The following NRCAM variants were observed in gnomAD, a reference collection of about 807,000 sequenced individuals.
NRCAM encodes NgCAM-related cell adhesion molecule.
In NRCAM, 83 loss-of-function variants were observed where a neutral mutation model predicts 156.5. The ratio of observed to expected loss-of-function variants is 0.53; its 90% CI spans 0.44 to 0.64. The LOEUF (loss-of-function observed/expected upper bound fraction) is 0.64, where lower values mean the gene tolerates loss of function less well. Ranked by LOEUF, NRCAM falls within the 30% of genes least tolerant of loss-of-function variation. NRCAM has a pLI of 0.00. For synonymous variants in NRCAM, 538 were observed against 563.9 expected (o/e 0.95, Z 0.65); for missense variants, 1,417 against 1,597.3 (o/e 0.89, Z 1.92).
chr7:108,263,256 C>T (rs567911550), intron 3 of NRCAM, among the ~76,000 whole-genome samples: 2 of 152,324 alleles, frequency 1.3e-5, no homozygotes, highest in Admixed American at 6.5e-5. Context: ...CATGAAACAC[C>T]TTCACAGAAA....
At chr7:108,178,270 C>A (rs1188857961) in intron 25 of NRCAM, 158 bp from the exon 26 acceptor site, 17 of 619,568 alleles carry the variant, frequency 2.7e-5, no homozygotes, top group Non-Finnish European at 4.1e-5. Flanking sequence ...GTGACAGGCA[C>A]CCATTTAGTT....
intron 1 of NRCAM, among the ~76,000 whole-genome samples, chr7:108,432,758 C>G (rs1475747357): frequency 2.0e-5 from 3 of 152,066 alleles, no homozygotes; most frequent in African/African-American, 7.2e-5. Flanking sequence ...AAAAATCAGC[C>G]AAGTGTGGTG....
chr7:108,438,879 GCAC>G (rs1029149599), intron 1 of NRCAM, among the ~76,000 whole-genome samples: 16 of 151,772 alleles, frequency 1.1e-4, no homozygotes, highest in African/African-American at 3.9e-4. Context: ...CATCACAATA[GCAC>G]CACAAAAAAT....
In NRCAM at chr7:108,168,327, T is replaced by G. The variant is rs758442011; in HGVS notation, c.3263A>C (p.Tyr1088Ser). The G allele has an allele frequency of 1.2e-6, 2 of 1,609,902 alleles. No homozygotes were observed. Among genetic ancestry groups the G allele is most frequent in the South Asian group, 2.2e-5 (2 of 90,004 alleles). ...AETYANISWE[Y>S]EGPEHVNFYV... ...AAAGTTCACATGCTCTGGTCCCTCATATTCCCAACTGATATTGGCATAGGT... is the reference window on the plus strand; with the variant it reads ...AAAGTTCACATGCTCTGGTCCCTCAGATTCCCAACTGATATTGGCATAGGT... Residue 1088 changes from tyrosine to serine, a missense_variant, in exon 29 of 33, where the codon TAT becomes TCT. By Grantham distance (144) the Tyr-to-Ser change is moderately radical. This residue lies in a region of NRCAM where 1,238 missense variants were observed against 1,336.4 expected (regional missense o/e 0.93). Transcript: ENST00000379028.
At chr7:108,209,289 A>G in intron 12 of NRCAM, 132 bp downstream of exon 12, 1 of 615,436 alleles carries the variant, frequency 1.6e-6, no homozygotes, top group East Asian at 3.2e-5. Context: ...AGCAATGAGA[A>G]GAGAGTCAAG....
In NRCAM at chr7:108,399,529, G is replaced by A. The variant is rs2099785787; in HGVS notation, c.-267C>T. The A allele has an allele frequency of 6.6e-6, 1 of 152,170 alleles. No individual in the cohort carries two copies. Among genetic ancestry groups the A allele is most frequent in the Non-Finnish European group, 1.5e-5 (1 of 68,022 alleles). 9.4% of individuals were successfully genotyped at this position (152,170 alleles called of 1,614,324 possible). A position where few individuals can be genotyped will look rare whatever the true frequency, so the allele number is the denominator to read the frequency against. On this transcript the variant is annotated 5_prime_UTR_variant, in exon 2 of 33. Transcript: ENST00000379028. The stretch of plus-strand genomic sequence containing the variant: ...AGGAGAATGCCAACAGCTAAGACCA[G>A]CTTTTGTCGAAGTCTTCAGCAAACA...
chr7:108,226,851 C>T (rs2093550576), intron 8 of NRCAM, among the ~76,000 whole-genome samples: 1 of 152,192 alleles, frequency 6.6e-6, no homozygotes, highest in Non-Finnish European at 1.5e-5. Flanking sequence ...GGGTCCTGTG[C>T]TAGGCACTGG....
intron 15 of NRCAM, 133 bp from the exon 16 acceptor site, chr7:108,194,561 G>C: frequency 5.0e-6 from 3 of 599,150 alleles, no homozygotes; most frequent in Non-Finnish European, 5.6e-6. Context: ...TTGTACTTTT[G>C]AAAGTATCAA....
chr7:108,149,195 A>C lies in NRCAM; in HGVS notation c.*715T>G, dbSNP rs2040049881. 1 of 152,652 alleles carries C rather than the reference A, an allele frequency of 6.6e-6. No individual in the cohort carries two copies. The highest frequency in any genetic ancestry group is 2.4e-5 in the African/African-American group (1 of 41,462). The allele number at this position is 152,652 out of a possible 1,614,324, so 9.5% of individuals were successfully genotyped here. ...AAATGCACTGCAATACACATTGTTT[A>C]TGCCTAAAAACAACCGAACATAGAA... On this transcript the variant is annotated 3_prime_UTR_variant, in exon 33 of 33. Transcript: ENST00000379028.
At chr7:108,421,764 T>C (rs1810223420) in intron 1 of NRCAM, among the ~76,000 whole-genome samples, 1 of 152,216 alleles carries the variant, frequency 6.6e-6, no homozygotes, top group African/African-American at 2.4e-5. Flanking sequence ...TAAATCATTT[T>C]GTTCTTCAAT....
Position 108,299,188 on chromosome 7 carries a change from A to C in NRCAM, c.-107+13477T>G, listed in dbSNP as rs933206371. ...ACCCAAAACACTGGGTGAGGACGCA[A>C]AGGGGCCAGGGAAAGGAGTAAAAAG... On this transcript the variant is annotated intron_variant, in intron 3 of 32. Coordinates refer to ENST00000379028, the MANE Select transcript of NRCAM (RefSeq NM_001037132.4). Among the ~76,000 whole-genome samples, 9 of 150,288 alleles carry C rather than the reference A, an allele frequency of 6.0e-5. 1 individual carries two copies. The highest frequency in any genetic ancestry group is 3.9e-4 in the East Asian group (2 of 5,140).
At chr7:108,450,264 T>C (rs1055577294) in intron 1 of NRCAM, among the ~76,000 whole-genome samples, 1 of 152,066 alleles carries the variant, frequency 6.6e-6, no homozygotes, top group Non-Finnish European at 1.5e-5. Context: ...TGGCTTTTTT[T>C]TTTTTTTATC....
At chr7:108,169,304 C>G (rs921853646) in intron 28 of NRCAM, among the ~76,000 whole-genome samples, 1 of 152,042 alleles carries the variant, frequency 6.6e-6, no homozygotes, top group African/African-American at 2.4e-5. Flanking sequence ...TCAGTCCTAC[C>G]TCAATAGCTT....
At chr7:108,249,582 C>A (rs2096208192) in intron 3 of NRCAM, among the ~76,000 whole-genome samples, 1 of 152,176 alleles carries the variant, frequency 6.6e-6, no homozygotes, top group South Asian at 2.1e-4. Flanking sequence ...CAAAGAGCAT[C>A]CCTCTCCCAA....
At chr7:108,364,993 A>C (rs2099583382) in intron 2 of NRCAM, among the ~76,000 whole-genome samples, 1 of 152,226 alleles carries the variant, frequency 6.6e-6, no homozygotes. Flanking sequence ...TATAGCTGTT[A>C]TTAAAAAATA....
At chr7:108,155,111 C>T (rs375277694) in intron 32 of NRCAM, among the ~76,000 whole-genome samples, 65,748 of 106,904 alleles carry the variant, frequency 0.62, 21,551 homozygotes, top group East Asian at 0.76. Context: ...TACACACACA[C>T]ACACACACAC....
At chr7:108,184,196 T>TC (rs759062654) in intron 22 of NRCAM, 45 bp downstream of exon 22, 4 of 1,519,536 alleles carry the variant, frequency 2.6e-6, no homozygotes, top group African/African-American at 2.7e-5. Context: ...AACTTTTTTT[T>TC]CACTCTAAAA....
chr7:108,233,774 A>G (rs763631384), intron 6 of NRCAM, among the ~76,000 whole-genome samples: 12 of 152,210 alleles, frequency 7.9e-5, no homozygotes, highest in Non-Finnish European at 2.9e-5. Flanking sequence ...AACTTTCACT[A>G]CTTTATTGCT....
intron 7 of NRCAM, among the ~76,000 whole-genome samples, chr7:108,231,725 A>G (rs1343276421): frequency 6.6e-6 from 1 of 152,190 alleles, no homozygotes; most frequent in African/African-American, 2.4e-5. Flanking sequence ...ATTCATGAAC[A>G]GTTTTTAAAT....
Sources: allele counts gnomAD v4.1 joint callset (sites outside exome capture counted in the v4.1 genomes callset), GRCh38; gene constraint gnomAD v4.1.1; regional missense constraint gnomAD v4.1.1; transcripts MANE v1.5; gene names NCBI Gene and HGNC (gene_info 2026-07-23, HGNC 2026-07-21).